The following MSMB variants were observed in gnomAD, a reference collection of about 807,000 sequenced individuals.
The protein encoded by MSMB is beta-microseminoprotein.
In MSMB, 10 loss-of-function variants were observed where a neutral mutation model predicts 10.5. That is an observed-to-expected ratio of 0.95 (90% CI 0.59 to 1.62). The LOEUF (loss-of-function observed/expected upper bound fraction) is 1.62. Ranked by LOEUF, MSMB falls within the 40% of genes most tolerant of loss-of-function variation. MSMB has a pLI of 0.00. For synonymous variants in MSMB, 43 were observed against 46.5 expected, an observed-to-expected ratio of 0.93 and a Z score of 0.30; for missense variants, 126 against 137.4, an observed-to-expected ratio of 0.92 and a Z score of 0.42.
intron 1 of MSMB, among the ~76,000 whole-genome samples, chr10:46,042,346 CA>C (rs1293921838): frequency 6.6e-6 from 1 of 151,864 alleles, no homozygotes; most frequent in Non-Finnish European, 1.5e-5. Flanking sequence ...TTACTGATAA[CA>C]AAAGAAATGT....
chr10:46,042,298 A>G (rs1167311185), intron 1 of MSMB, among the ~76,000 whole-genome samples: 1 of 152,216 alleles, frequency 6.6e-6, no homozygotes, highest in East Asian at 1.9e-4. Context: ...AGACACACAC[A>G]CACAGAAATG....
intron 1 of MSMB, 79 bp downstream of exon 1, chr10:46,046,156 A>G (rs1840891652): frequency 2.1e-6 from 3 of 1,396,452 alleles, no homozygotes; most frequent in Admixed American, 3.4e-5. Flanking sequence ...GCTATGTGGT[A>G]GAAGCACACG....
intron 3 of MSMB, among the ~76,000 whole-genome samples, chr10:46,038,362 A>C (rs1212239853): frequency 6.6e-6 from 1 of 150,962 alleles, no homozygotes; most frequent in Non-Finnish European, 1.5e-5. Context: ...ATCTCGGCTC[A>C]CTGCAAGCTC....
At chr10:46,041,315 A>G (rs1370186225) in intron 1 of MSMB, among the ~76,000 whole-genome samples, 1 of 130,178 alleles carries the variant, frequency 7.7e-6, no homozygotes, top group Non-Finnish European at 1.6e-5. Flanking sequence ...ACCGCACTCT[A>G]GCCTGGGCAA....
intron 1 of MSMB, among the ~76,000 whole-genome samples, chr10:46,041,884 C>A (rs1458801999): frequency 1.3e-5 from 2 of 148,808 alleles, no homozygotes; most frequent in African/African-American, 2.5e-5. Flanking sequence ...AAAAACAAAA[C>A]CCAGAAAGTA....
At chr10:46,042,003 A>T (rs1840764933) in intron 1 of MSMB, among the ~76,000 whole-genome samples, 1 of 152,202 alleles carries the variant, frequency 6.6e-6, no homozygotes. Context: ...TTGGGGAAGA[A>T]AAAAAGTTAA....
In MSMB at chr10:46,033,493, C is replaced by G. The variant is rs782092618; in HGVS notation, c.274G>C (p.Asp92His). The change falls in exon 4 of 4, where the codon GAC (aspartate) becomes CAC (histidine). Residue 92 changes from aspartate to histidine, a missense_variant. By Grantham distance (81) the Asp-to-His change is moderately conservative. Coordinates refer to ENST00000582163, the MANE Select transcript of MSMB (RefSeq NM_002443.4). ...TTCTCCACCACGATATACTTGCAGTCCTCCTTCTTGAAGATTCTTTGGCAG... is the reference window on the plus strand; with the variant it reads ...TTCTCCACCACGATATACTTGCAGTGCTCCTTCTTGAAGATTCTTTGGCAG... ...DNCQRIFKKE[D>H]CKYIVVEKKD... 1 of 1,613,858 alleles carries G rather than the reference C, an allele frequency of 6.2e-7. No individual in the cohort carries two copies. The highest frequency in any genetic ancestry group is 1.3e-5 in the African/African-American group (1 of 74,908).
At chr10:46,037,878 C>T (rs1324727639) in intron 3 of MSMB, among the ~76,000 whole-genome samples, 1 of 152,188 alleles carries the variant, frequency 6.6e-6, no homozygotes, top group African/African-American at 2.4e-5. Flanking sequence ...AAGTGTTCAT[C>T]AACAGATGAA....
At position 46,040,200 on chromosome 10, in the gene MSMB, T is replaced by G. The variant is rs781975253; in HGVS notation, c.4-109A>C. On this transcript the variant is annotated intron_variant, in intron 1 of 3. Coordinates refer to ENST00000582163, the MANE Select transcript of MSMB (RefSeq NM_002443.4). ...GCTGGGCTCTGCTGAGAGGTTATGA[T>G]GTGGAGCTCATAACTGAACAAACCA... 3.6e-4 allele frequency: 290 copies of G among 809,222 alleles called. 1 individual carries two copies. Among genetic ancestry groups the G allele is most frequent in the Non-Finnish European group, 5.3e-4 (268 of 509,036 alleles). 50.1% of individuals were successfully genotyped at this position (809,222 alleles called of 1,614,324 possible). A position where few individuals can be genotyped will look rare whatever the true frequency, so the allele number is the denominator to read the frequency against.
intron 3 of MSMB, among the ~76,000 whole-genome samples, chr10:46,036,394 C>G (rs922175842): frequency 2.6e-5 from 4 of 152,348 alleles, no homozygotes; most frequent in East Asian, 1.9e-4. Context: ...TTCATTTCCC[C>G]TGCATGGAGC....
chr10:46,046,124 T>C (rs1288996705), intron 1 of MSMB, 111 bp downstream of exon 1: 3 of 1,139,394 alleles, frequency 2.6e-6, no homozygotes, highest in Non-Finnish European at 4.0e-6. Flanking sequence ...GGTTCCTAAC[T>C]AGGTCACATT....
intron 2 of MSMB, among the ~76,000 whole-genome samples, chr10:46,039,412 C>G (rs1840691908): frequency 6.6e-6 from 1 of 152,200 alleles, no homozygotes; most frequent in Non-Finnish European, 1.5e-5. Flanking sequence ...TGGATTATCT[C>G]TGGATGAGAA....
chr10:46,033,525 T>G lies in MSMB; in HGVS notation c.242A>C (p.Lys81Thr), dbSNP rs782393916. ...TLVSTPVGYDKDNCQRIFKKE... is the reference protein window; with the variant it reads ...TLVSTPVGYDTDNCQRIFKKE... ...CTTGAAGATTCTTTGGCAGTTGTCT[T>G]TGTCATAACCCACAGGTGTAGAAAC... The change falls in exon 4 of 4, where the codon AAA becomes ACA. Residue 81 changes from lysine to threonine, a missense_variant. Lys to Thr is a moderately conservative substitution (Grantham distance 78, BLOSUM62 -1). Transcript: ENST00000582163. 4 of 1,613,838 alleles carry G rather than the reference T, an allele frequency of 2.5e-6. No homozygotes were observed. Among genetic ancestry groups the G allele is most frequent in the Non-Finnish European group, 2.5e-6 (3 of 1,179,722 alleles).
chr10:46,046,126 G>T, intron 1 of MSMB, 109 bp downstream of exon 1: 2 of 1,155,120 alleles, frequency 1.7e-6, no homozygotes, highest in Non-Finnish European at 2.6e-6. Context: ...TTCCTAACTA[G>T]GTCACATTTA....
At chr10:46,040,200 T>C (rs781975253) in intron 1 of MSMB, 109 bp from the exon 2 acceptor site, 9 of 809,344 alleles carry the variant, frequency 1.1e-5, no homozygotes, top group Middle Eastern at 4.7e-4. Context: ...GAGGTTATGA[T>C]GTGGAGCTCA....
chr10:46,042,163 A>G (rs1840769577), intron 1 of MSMB, among the ~76,000 whole-genome samples: 2 of 152,230 alleles, frequency 1.3e-5, no homozygotes, highest in Non-Finnish European at 2.9e-5. Flanking sequence ...TATAAACGTC[A>G]TAAGAACATA....
chr10:46,033,744 C>G (rs373361478), intron 3 of MSMB, among the ~76,000 whole-genome samples, 193 bp from the exon 4 acceptor site: 2 of 152,368 alleles, frequency 1.3e-5, no homozygotes, highest in East Asian at 1.9e-4. Flanking sequence ...CCCCTACATT[C>G]CATCCTGCAG....
intron 1 of MSMB, among the ~76,000 whole-genome samples, chr10:46,042,713 G>A (rs1840780333): frequency 6.6e-6 from 1 of 152,200 alleles, no homozygotes; most frequent in Non-Finnish European, 1.5e-5. Context: ...TGGTGAGCCA[G>A]CAAGGTAGAA....
At chr10:46,040,204 G>T in intron 1 of MSMB, 113 bp from the exon 2 acceptor site, 1 of 782,416 alleles carries the variant, frequency 1.3e-6, no homozygotes, top group Non-Finnish European at 2.0e-6. Context: ...TTATGATGTG[G>T]AGCTCATAAC....
Sources: gnomAD v4.1 joint callset for allele counts (sites outside exome capture counted in the v4.1 genomes callset) on GRCh38, gnomAD v4.1.1 for gene constraint, MANE v1.5 for transcripts, NCBI Gene and HGNC (gene_info 2026-07-23, HGNC 2026-07-21) for gene names.